The following NLK variants were observed in gnomAD, a reference collection of about 807,000 sequenced individuals.
The protein encoded by NLK is serine/threonine-protein kinase NLK.
NLK carries 11 observed loss-of-function variants against 59.0 expected under a neutral mutation model. That is an observed-to-expected ratio of 0.19 (90% CI 0.12 to 0.31). NLK has a LOEUF of 0.31. NLK is among the 10% of genes least tolerant of loss of function. The pLI is 1.00. For missense variants in NLK, 410 were observed against 661.1 expected, an observed-to-expected ratio of 0.62 and a Z score of 4.16; for synonymous variants, 235 against 235.9, an observed-to-expected ratio of 1.00 and a Z score of 0.03.
chr17:28,055,427 C>A (rs1909407809), intron 1 of NLK, among the ~76,000 whole-genome samples: 1 of 151,838 alleles, frequency 6.6e-6, no homozygotes. Flanking sequence ...GCCTTGAACT[C>A]CTGGGCTCAA....
chr17:28,201,713 AG>A, the NLK span, among the ~76,000 whole-genome samples: 1 of 152,098 alleles, frequency 6.6e-6, no homozygotes, highest in Non-Finnish European at 1.5e-5. Context: ...AACAGCCTAA[AG>A]AATTAAAAGC....
intron 7 of NLK, among the ~76,000 whole-genome samples, chr17:28,181,925 G>A (rs546292079): frequency 1.7e-4 from 26 of 152,160 alleles, no homozygotes; most frequent in Non-Finnish European, 2.6e-4. Context: ...TAGCAAGATC[G>A]CTTGAGCCTA....
intron 1 of NLK, among the ~76,000 whole-genome samples, chr17:28,111,903 GTGT>G (rs1905529707): frequency 3.7e-4 from 33 of 89,324 alleles, no homozygotes; most frequent in Middle Eastern, 6.0e-3. Flanking sequence ...TGTGGTGTGT[GTGT>G]GTGTGTGTGT....
At chr17:28,184,662 A>G (rs1159801336) in intron 7 of NLK, among the ~76,000 whole-genome samples, 5 of 152,158 alleles carry the variant, frequency 3.3e-5, no homozygotes, top group Admixed American at 3.3e-4. Flanking sequence ...GTAAAAATCT[A>G]CGGGGATGGA....
At chr17:28,112,179 C>G (rs1203603791) in intron 1 of NLK, among the ~76,000 whole-genome samples, 1 of 152,002 alleles carries the variant, frequency 6.6e-6, no homozygotes, top group Admixed American at 6.6e-5. Flanking sequence ...TGTTAAATTT[C>G]TAGATTTCTG....
At chr17:28,192,668 C>CAA (rs35393985) in intron 10 of NLK, among the ~76,000 whole-genome samples, 2 of 141,880 alleles carry the variant, frequency 1.4e-5, no homozygotes, top group African/African-American at 5.1e-5. Flanking sequence ...AACTCCATCT[C>CAA]AAAAAAAAAA....
At chr17:28,093,895 A>G (rs937154817) in intron 1 of NLK, among the ~76,000 whole-genome samples, 1 of 152,194 alleles carries the variant, frequency 6.6e-6, no homozygotes, top group Non-Finnish European at 1.5e-5. Context: ...ACATTGTGTC[A>G]GGACTTATTC....
intron 3 of NLK, among the ~76,000 whole-genome samples, chr17:28,149,897 C>T (rs999188881): frequency 1.3e-5 from 2 of 152,304 alleles, no homozygotes; most frequent in South Asian, 4.1e-4. Flanking sequence ...TTGGAAAAAA[C>T]ATGGCAAGGG....
At chr17:28,151,764 C>T (rs1445113913) in intron 3 of NLK, among the ~76,000 whole-genome samples, 1 of 152,124 alleles carries the variant, frequency 6.6e-6, no homozygotes, top group African/African-American at 2.4e-5. Context: ...TTATTTTAAA[C>T]TCTCCTTTCT....
intron 5 of NLK, among the ~76,000 whole-genome samples, chr17:28,164,084 T>C (rs1908121368): frequency 1.3e-5 from 2 of 152,164 alleles, no homozygotes; most frequent in African/African-American, 4.8e-5. Flanking sequence ...AAAGGGATAG[T>C]GCTGGCCAGA....
At chr17:28,132,159 T>C (rs751916053) in intron 2 of NLK, among the ~76,000 whole-genome samples, 4 of 152,188 alleles carry the variant, frequency 2.6e-5, no homozygotes, top group Non-Finnish European at 4.4e-5. Flanking sequence ...AACTGTTTAG[T>C]GCTTACCTCT....
intron 1 of NLK, among the ~76,000 whole-genome samples, chr17:28,052,157 GAT>G (rs1219933305): frequency 2.0e-5 from 3 of 152,182 alleles, no homozygotes; most frequent in Non-Finnish European, 4.4e-5. Flanking sequence ...CTATTTTCCT[GAT>G]AATATTTACC....
chr17:28,179,788 C>G (rs912111871), intron 7 of NLK, among the ~76,000 whole-genome samples: 1 of 151,650 alleles, frequency 6.6e-6, no homozygotes, highest in East Asian at 1.9e-4. Context: ...TCAAGCAGTT[C>G]TCCCACCTTG....
At chr17:28,133,425 G>T (rs190597090) in intron 3 of NLK, among the ~76,000 whole-genome samples, 5 of 152,132 alleles carry the variant, frequency 3.3e-5, no homozygotes, top group African/African-American at 1.2e-4. Context: ...AGCCCTTAAC[G>T]TTCTCCTGTT....
At chr17:28,203,245 A>C in the NLK span, among the ~76,000 whole-genome samples, 1 of 150,478 alleles carries the variant, frequency 6.6e-6, no homozygotes, top group Non-Finnish European at 1.5e-5. Flanking sequence ...CCTGGCCACA[A>C]GTGATCCACC....
intron 1 of NLK, among the ~76,000 whole-genome samples, chr17:28,052,162 T>A (rs1909280387): frequency 6.6e-6 from 1 of 152,216 alleles, no homozygotes; most frequent in African/African-American, 2.4e-5. Flanking sequence ...TTCCTGATAA[T>A]ATTTACCTTT....
intron 3 of NLK, among the ~76,000 whole-genome samples, chr17:28,155,916 A>T (rs1172993698): frequency 6.6e-6 from 1 of 152,206 alleles, no homozygotes; most frequent in East Asian, 1.9e-4. Context: ...CCTAGAACTT[A>T]AAGTATTAAA....
chr17:28,147,277 C>T (rs146317789), intron 3 of NLK, among the ~76,000 whole-genome samples: 1 of 152,184 alleles, frequency 6.6e-6, no homozygotes, highest in Non-Finnish European at 1.5e-5. Context: ...TCATGACTTC[C>T]TAAAAACAGA....
intron 7 of NLK, among the ~76,000 whole-genome samples, chr17:28,183,580 C>T (rs955595135): frequency 6.6e-6 from 1 of 152,148 alleles, no homozygotes; most frequent in Admixed American, 6.5e-5. Flanking sequence ...CCTTCTGCCT[C>T]GGCCTCCCAA....
Sources: allele counts gnomAD v4.1 joint callset (sites outside exome capture counted in the v4.1 genomes callset), GRCh38; gene constraint gnomAD v4.1.1; transcripts MANE v1.5; gene names NCBI Gene and HGNC (gene_info 2026-07-23, HGNC 2026-07-21).